Variants in GPR158 observed in about 807,000 individuals in gnomAD.
GPR158 encodes the protein metabotropic glycine receptor.
Under a neutral mutation model 78.2 loss-of-function variants are expected in GPR158, and 30 were observed. The observed-to-expected ratio is 0.38, with a 90% CI of 0.29 to 0.52. GPR158 has a LOEUF of 0.52. Ranked by LOEUF, GPR158 falls within the 20% of genes least tolerant of loss-of-function variation. GPR158 has a pLI of 0.83. For synonymous variants in GPR158, 581 were observed against 591.1 expected (o/e 0.98, Z 0.25); for missense variants, 1,463 against 1,523.5 (o/e 0.96, Z 0.66).
At chr10:25,549,618 G>A (rs1588908005) in intron 5 of GPR158, among the ~76,000 whole-genome samples, 1 of 152,148 alleles carries the variant, frequency 6.6e-6, no homozygotes, top group East Asian at 1.9e-4. Flanking sequence ...TTGACTTCAG[G>A]AGCACGCAAA....
At chr10:25,526,355 T>C (rs1243913986) in intron 5 of GPR158, among the ~76,000 whole-genome samples, 2 of 152,104 alleles carry the variant, frequency 1.3e-5, no homozygotes, top group Non-Finnish European at 2.9e-5. Flanking sequence ...GTTTATGTAG[T>C]GTGTGAAGAC....
intron 2 of GPR158, among the ~76,000 whole-genome samples, chr10:25,284,961 C>CATTGCTATT (rs1376488267): frequency 3.2e-4 from 49 of 151,958 alleles, no homozygotes; most frequent in Non-Finnish European, 4.4e-5. Flanking sequence ...ACACACAATA[C>CATTGCTATT]ATTGCTATTA....
intron 1 of GPR158, among the ~76,000 whole-genome samples, chr10:25,211,100 C>A (rs1164262344): frequency 1.3e-5 from 2 of 150,998 alleles, no homozygotes; most frequent in African/African-American, 4.9e-5. Flanking sequence ...CCACTGCACT[C>A]CAGTCTGGTG....
At chr10:25,596,385 G>C (rs1009143315) in intron 9 of GPR158, among the ~76,000 whole-genome samples, 20 of 151,966 alleles carry the variant, frequency 1.3e-4, no homozygotes, top group African/African-American at 4.3e-4. Flanking sequence ...CTTCAGCTCG[G>C]GAGTTTGAGG....
At chr10:25,531,626 GTAT>G (rs78320533) in intron 5 of GPR158, among the ~76,000 whole-genome samples, 56,628 of 151,822 alleles carry the variant, frequency 0.37, 11,631 homozygotes, top group East Asian at 0.55. Context: ...ATAGGATTTG[GTAT>G]TATTTATGTT....
chr10:25,240,335 C>G (rs1283195334), intron 2 of GPR158, among the ~76,000 whole-genome samples: 2 of 152,150 alleles, frequency 1.3e-5, no homozygotes, highest in Admixed American at 6.5e-5. Context: ...ATGGCAAAAC[C>G]CTGTCTCTAC....
At chr10:25,449,477 G>A (rs1835185115) in intron 4 of GPR158, among the ~76,000 whole-genome samples, 1 of 152,206 alleles carries the variant, frequency 6.6e-6, no homozygotes, top group African/African-American at 2.4e-5. Flanking sequence ...GTTGTGATAA[G>A]TGTGACACTC....
chr10:25,424,894 A>G (rs921966145), intron 4 of GPR158, among the ~76,000 whole-genome samples: 1 of 152,160 alleles, frequency 6.6e-6, no homozygotes, highest in Non-Finnish European at 1.5e-5. Flanking sequence ...CATGAAATTT[A>G]AAGTAGTTTT....
chr10:25,478,317 T>G (rs1352701979), intron 5 of GPR158, among the ~76,000 whole-genome samples: 1 of 152,070 alleles, frequency 6.6e-6, no homozygotes, highest in Non-Finnish European at 1.5e-5. Flanking sequence ...CCTTATTGCT[T>G]TAGTGAAATA....
At chr10:25,434,454 G>C (rs749154098) in intron 4 of GPR158, among the ~76,000 whole-genome samples, 3 of 152,094 alleles carry the variant, frequency 2.0e-5, no homozygotes, top group Non-Finnish European at 4.4e-5. Context: ...AATATTATGA[G>C]ACATAAATCG....
intron 7 of GPR158, among the ~76,000 whole-genome samples, chr10:25,586,391 ATTTTTTTTTTTTTTTTT>A (rs71399977): frequency 5.6e-5 from 4 of 70,910 alleles, no homozygotes; most frequent in Admixed American, 1.6e-4. Flanking sequence ...GTATGTGTGA[ATTTTTTTTTTTTTTTTT>A]TTTTTTTTTT....
intron 2 of GPR158, among the ~76,000 whole-genome samples, chr10:25,257,620 A>C (rs1038662082): frequency 6.6e-6 from 1 of 152,242 alleles, no homozygotes; most frequent in Non-Finnish European, 1.5e-5. Flanking sequence ...AATTTATTCA[A>C]AATAATTTCT....
intron 4 of GPR158, among the ~76,000 whole-genome samples, chr10:25,463,247 T>A (rs1835379428): frequency 6.6e-6 from 1 of 152,242 alleles, no homozygotes; most frequent in African/African-American, 2.4e-5. Context: ...TTTTTAGACA[T>A]AATGCTATTG....
rs572976955 is a variant in GPR158, at chr10:25,509,998, G to A, written c.1405-40978G>A. Among the ~76,000 whole-genome samples the A allele has an allele frequency of 2.0e-5, 3 of 152,310 alleles. No individual in the cohort carries two copies. The South Asian group carries it at 6.2e-4, about 32-fold the overall frequency. ...CAAAGTGCTGGGATTACAGGCATGA[G>A]CCACCGTGCCCAGCCTATATTGCCT... On this transcript the variant is annotated intron_variant, in intron 5 of 10. Transcript: ENST00000376351.
chr10:25,469,193 T>G (rs1407643320), intron 5 of GPR158, among the ~76,000 whole-genome samples: 2 of 152,208 alleles, frequency 1.3e-5, no homozygotes, highest in South Asian at 2.1e-4. Flanking sequence ...CTCTTGGTGA[T>G]CTCATCTAGC....
chr10:25,434,730 T>C (rs1282581710), intron 4 of GPR158, among the ~76,000 whole-genome samples: 3 of 152,214 alleles, frequency 2.0e-5, no homozygotes, highest in East Asian at 3.9e-4. Context: ...TTAAAGTCCA[T>C]CTATCTAGGG....
intron 4 of GPR158, among the ~76,000 whole-genome samples, chr10:25,419,301 T>C (rs763630101): frequency 5.3e-5 from 8 of 152,326 alleles, no homozygotes; most frequent in Non-Finnish European, 8.8e-5. Context: ...TCAAGATTCA[T>C]TGATATGGTA....
At chr10:25,270,942 T>C (rs1460661645) in intron 2 of GPR158, among the ~76,000 whole-genome samples, 2 of 152,210 alleles carry the variant, frequency 1.3e-5, no homozygotes, top group African/African-American at 4.8e-5. Flanking sequence ...GTCTAAATCC[T>C]TATCAAGACC....
chr10:25,296,544 A>T (rs1361213453), intron 2 of GPR158, among the ~76,000 whole-genome samples: 1 of 152,144 alleles, frequency 6.6e-6, no homozygotes, highest in Non-Finnish European at 1.5e-5. Flanking sequence ...CTTGTCCAAG[A>T]TTAAAATGAA....
Sources: allele counts gnomAD v4.1 joint callset (sites outside exome capture counted in the v4.1 genomes callset), GRCh38; gene constraint gnomAD v4.1.1; transcripts MANE v1.5; gene names NCBI Gene and HGNC (gene_info 2026-07-23, HGNC 2026-07-21).